ERCC6L2: variants seen among roughly 807,000 people sequenced by gnomAD.
The protein encoded by ERCC6L2 is ERCC excision repair 6 like 2, also known as DNA excision repair protein ERCC-6-like 2.
Under a neutral mutation model 132.0 loss-of-function variants are expected in ERCC6L2, and 77 were observed. The observed-to-expected ratio is 0.58, with a 90% CI of 0.49 to 0.71. The LOEUF (loss-of-function observed/expected upper bound fraction) is 0.71. ERCC6L2 is among the 30% of genes least tolerant of loss of function. The pLI is 0.00. For missense variants in ERCC6L2, 1,542 were observed against 1,837.6 expected (o/e 0.84, Z 2.94); for synonymous variants, 583 against 632.4 (o/e 0.92, Z 1.17).
At chr9:95,885,829 G>C (rs182870745) in intron 2 of ERCC6L2, among the ~76,000 whole-genome samples, 42 of 152,140 alleles carry the variant, frequency 2.8e-4, no homozygotes, top group Non-Finnish European at 4.1e-4. Context: ...AACTCGGTGG[G>C]AGTAGGAGAG....
intron 12 of ERCC6L2, among the ~76,000 whole-genome samples, 198 bp from the exon 13 acceptor site, chr9:95,955,716 T>C (rs1024348136): frequency 6.7e-6 from 1 of 148,782 alleles, no homozygotes; most frequent in Middle Eastern, 3.2e-3. Context: ...TTTTCTGTAA[T>C]ATTTTTTCTC....
intron 15 of ERCC6L2, chr9:95,971,474 C>T (rs1832411163): frequency 6.6e-6 from 1 of 152,136 alleles, no homozygotes; most frequent in Non-Finnish European, 1.5e-5. Context: ...CCTTTTTAAT[C>T]AATTAGAACA....
At chr9:96,039,322 G>A (rs1010194845) in intron 20 of ERCC6L2, among the ~76,000 whole-genome samples, 1 of 152,158 alleles carries the variant, frequency 6.6e-6, no homozygotes, top group African/African-American at 2.4e-5. Flanking sequence ...TTAGTGGCTT[G>A]AGAAGAAAAG....
At chr9:95,962,689 A>C (rs1242416923) in intron 13 of ERCC6L2, among the ~76,000 whole-genome samples, 3 of 152,184 alleles carry the variant, frequency 2.0e-5, no homozygotes, top group Non-Finnish European at 4.4e-5. Flanking sequence ...ACATGGTTCA[A>C]CTTAATGTTT....
chr9:95,917,062 G>GTT (rs1365294075), intron 6 of ERCC6L2, among the ~76,000 whole-genome samples: 2 of 152,076 alleles, frequency 1.3e-5, no homozygotes, highest in Admixed American at 6.6e-5. Flanking sequence ...CTGTTCACAC[G>GTT]TTGTCCTTCC....
In ERCC6L2 at chr9:96,016,701, G is replaced by A. The variant is rs183974315; in HGVS notation, c.*3498G>A. On this transcript the variant is annotated 3_prime_UTR_variant, in exon 19 of 19. Transcript: ENST00000653738. ...TTTCTAATTAAAGTTCAATGTGTAC[G>A]CTTTTAAATTCTGAAGTTATCCTTC... Among the ~76,000 whole-genome samples, 6 of 152,316 alleles carry A rather than the reference G, an allele frequency of 3.9e-5. No homozygotes were observed. The highest frequency in any genetic ancestry group is 6.5e-5 in the Admixed American group (1 of 15,304).
intron 6 of ERCC6L2, 80 bp downstream of exon 6, chr9:95,916,514 G>T: frequency 8.3e-7 from 1 of 1,206,470 alleles, no homozygotes; most frequent in South Asian, 1.9e-5. Context: ...TGTCTCCTGT[G>T]GCATTTTGTA....
intron 2 of ERCC6L2, among the ~76,000 whole-genome samples, chr9:95,893,740 A>C (rs956794926): frequency 3.9e-5 from 6 of 152,126 alleles, no homozygotes; most frequent in African/African-American, 1.4e-4. Context: ...TATGGCTTAT[A>C]CATATTTTTT....
chr9:96,006,018 G>A (rs1052394233), intron 18 of ERCC6L2, among the ~76,000 whole-genome samples: 1 of 152,120 alleles, frequency 6.6e-6, no homozygotes, highest in Non-Finnish European at 1.5e-5. Flanking sequence ...AACAAGAGAG[G>A]AAAAAATTCA....
In ERCC6L2 at chr9:96,029,313, A is replaced by C. The variant is rs992478388; in HGVS notation, c.*1504-9563A>C. On this transcript the variant is annotated intron_variant and NMD_transcript_variant, in intron 19 of 20. Coordinates refer to the ERCC6L2 transcript ENST00000670016. ...AGCAAGACTCCGTCTCAAAAAAAAA[A>C]AAAAAAAAAACAAAAAAAAAATTAG... Among the ~76,000 whole-genome samples, 883 of 151,002 alleles carry C rather than the reference A, an allele frequency of 5.8e-3. 1 individual carries two copies. Among genetic ancestry groups the C allele is most frequent in the Non-Finnish European group, 0.01 (684 of 67,654 alleles).
At chr9:95,984,938 A>T (rs1474465863) in intron 17 of ERCC6L2, among the ~76,000 whole-genome samples, 13 of 151,906 alleles carry the variant, frequency 8.6e-5, no homozygotes, top group Admixed American at 8.5e-4. Context: ...AGTCAGGGGA[A>T]TGATCTCTTT....
chr9:95,966,447 TA>T, intron 13 of ERCC6L2, 114 bp from the exon 14 acceptor site: 1 of 947,150 alleles, frequency 1.1e-6, no homozygotes, highest in Non-Finnish European at 1.4e-6. Context: ...ATTTCCTCCC[TA>T]AGGAGATTCT....
In ERCC6L2 at chr9:95,966,589, G is replaced by A. The variant is rs201361900; in HGVS notation, c.1975G>A (p.Glu659Lys). The A allele has an allele frequency of 5.9e-6, 9 of 1,526,308 alleles. No homozygotes were observed. The highest frequency in any genetic ancestry group is 8.0e-6 in the Non-Finnish European group (9 of 1,119,596). The allele number at this position is 1,526,308 out of a possible 1,614,324, so 94.5% of individuals were successfully genotyped here. Residue 659 changes from glutamate to lysine, a missense_variant, in exon 14 of 19, where the codon GAA becomes AAA. Glu to Lys is a moderately conservative substitution (Grantham distance 56). Around this residue, in one of 4 missense-constraint regions of ERCC6L2, gnomAD observed 945 missense variants for 1,105.2 expected, o/e 0.86. Coordinates refer to ENST00000653738, the MANE Select transcript of ERCC6L2 (RefSeq NM_020207.7). ...QQLHCVVVGSENAKRYFEAVQ... is the reference protein window; with the variant it reads ...QQLHCVVVGSKNAKRYFEAVQ... ...ACTTCACTGTGTGGTGGTTGGAAGT[G>A]AAAATGCCAAACGATATTTTGAAGC...
intron 12 of ERCC6L2, among the ~76,000 whole-genome samples, chr9:95,951,967 A>G (rs933846368): frequency 1.3e-5 from 2 of 151,930 alleles, no homozygotes; most frequent in African/African-American, 4.8e-5. Context: ...CAGGAGTTCA[A>G]GACCATCCTG....
chr9:95,915,725 T>C lies in ERCC6L2; in HGVS notation c.846T>C (p.Ala282=). The C allele has an allele frequency of 6.2e-7, 1 of 1,613,966 alleles. No individual in the cohort carries two copies. ...DEAHRIKNPK[A]RVTEVMKALK... is the part of the protein sequence containing the mutation. ...CTCATAGAATCAAGAATCCAAAAGC[T>C]AGAGTAACAGAAGTTATGAAAGCTT... The change falls in exon 5 of 19, where the codon GCT becomes GCC. Residue 282 remains alanine, a synonymous_variant. Coordinates refer to ENST00000653738, the MANE Select transcript of ERCC6L2 (RefSeq NM_020207.7).
At chr9:95,981,504 A>G (rs1220971019) in intron 17 of ERCC6L2, among the ~76,000 whole-genome samples, 2 of 152,332 alleles carry the variant, frequency 1.3e-5, no homozygotes, top group East Asian at 3.9e-4. Flanking sequence ...CAAATTATGT[A>G]AAGTAATATG....
chr9:96,005,245 G>A (rs1471037342), intron 18 of ERCC6L2, among the ~76,000 whole-genome samples: 26 of 151,842 alleles, frequency 1.7e-4, no homozygotes, highest in Non-Finnish European at 3.4e-4. Flanking sequence ...CCTGGGAGGC[G>A]GAGCTTGCAG....
At position 95,915,759 on chromosome 9, in the gene ERCC6L2, A is replaced by G; in HGVS notation, c.880A>G (p.Asn294Asp). 1 of 1,614,062 alleles carries G rather than the reference A, an allele frequency of 6.2e-7. No homozygotes were observed. The highest frequency in any genetic ancestry group is 8.5e-7 in the Non-Finnish European group (1 of 1,179,926). The change falls in exon 5 of 19, where the codon AAT (asparagine) becomes GAT (aspartate). Residue 294 changes from asparagine (N) to aspartate (D), a missense_variant. Physicochemically the swap from Asn to Asp is conservative, Grantham distance 23 (BLOSUM62 1). Coordinates refer to ENST00000653738, the MANE Select transcript of ERCC6L2 (RefSeq NM_020207.7). ...AGAAGTTATGAAAGCTTTGAAATGT[A>G]ATGTCCGCATTGGCCTCACTGGAAC... ...VTEVMKALKC[N>D]VRIGLTGTIL...
At chr9:95,920,741 A>C (rs1475057368) in intron 6 of ERCC6L2, among the ~76,000 whole-genome samples, 1 of 152,208 alleles carries the variant, frequency 6.6e-6, no homozygotes, top group Non-Finnish European at 1.5e-5. Context: ...AAATCATCAT[A>C]ATGATGTAAA....
Sources: allele counts gnomAD v4.1 joint callset (sites outside exome capture counted in the v4.1 genomes callset), GRCh38; gene constraint gnomAD v4.1.1; regional missense constraint gnomAD v4.1.1; transcripts MANE v1.5; gene names NCBI Gene and HGNC (gene_info 2026-07-23, HGNC 2026-07-21).